Variants in ZNF362 observed in about 807,000 individuals in gnomAD.
ZNF362 encodes zinc finger protein 362, also known as rotund homolog.
A neutral mutation model predicts 42.9 loss-of-function variants in ZNF362; 11 were observed. That is an observed-to-expected ratio of 0.26 (90% confidence interval 0.16 to 0.42). ZNF362 has a LOEUF of 0.42. Among genes scored for constraint, ZNF362 ranks in the 20% least tolerant of loss-of-function variants. The probability of loss-of-function intolerance (pLI) is 1.00; values close to 1 mark genes in which losing one functional copy is unlikely to be tolerated. For missense variants in ZNF362, 362 were observed against 576.2 expected, an observed-to-expected ratio of 0.63 and a Z score of 3.81; for synonymous variants, 255 against 257.3, an observed-to-expected ratio of 0.99 and a Z score of 0.09.
the ZNF362 span, among the ~76,000 whole-genome samples, chr1:33,161,305 A>G: frequency 6.6e-6 from 1 of 152,186 alleles, no homozygotes; most frequent in Non-Finnish European, 1.5e-5. This position sits in a 1 kb window ranked among gnomAD's most constrained non-coding sequence, Gnocchi z 4.3. Flanking sequence ...AGGGAGCCGC[A>G]TGAGGAAGGG....
At chr1:33,134,549 C>G in the ZNF362 span, among the ~76,000 whole-genome samples, 9 of 152,146 alleles carry the variant, frequency 5.9e-5, no homozygotes. Flanking sequence ...GAGCTAGGAC[C>G]ACCAGAGACA....
chr1:33,144,662 T>C, the ZNF362 span, among the ~76,000 whole-genome samples: 2 of 152,356 alleles, frequency 1.3e-5, no homozygotes, highest in African/African-American at 4.8e-5. Flanking sequence ...TAGTCGACAG[T>C]CTTTTCCACT....
intron 1 of ZNF362, among the ~76,000 whole-genome samples, chr1:33,257,338 C>CT (rs537985973): frequency 1.8e-4 from 27 of 151,130 alleles, no homozygotes; most frequent in Non-Finnish European, 3.1e-4. Flanking sequence ...AAAAGGGAAG[C>CT]TGCCGGGCGA....
the ZNF362 span, among the ~76,000 whole-genome samples, chr1:33,208,165 T>C: frequency 6.6e-6 from 1 of 152,350 alleles, no homozygotes; most frequent in Non-Finnish European, 1.5e-5. Context: ...TAGCCAGTTT[T>C]CCCAGCACCA....
the ZNF362 span, among the ~76,000 whole-genome samples, chr1:33,189,366 A>T: frequency 6.6e-6 from 1 of 151,976 alleles, no homozygotes; most frequent in East Asian, 1.9e-4. Context: ...GGTCCTGCTC[A>T]GGCCTAGTTC....
the ZNF362 span, among the ~76,000 whole-genome samples, chr1:33,232,270 A>AT: frequency 3.7e-4 from 56 of 150,200 alleles, no homozygotes; most frequent in African/African-American, 1.0e-3. Flanking sequence ...GTGGAAATGT[A>AT]TTTTTTTTTT....
At chr1:33,217,013 G>T in the ZNF362 span, among the ~76,000 whole-genome samples, 36 of 152,032 alleles carry the variant, frequency 2.4e-4, no homozygotes, top group African/African-American at 7.0e-4. Flanking sequence ...GGTTCTGGAG[G>T]CAGGAAGACT....
At chr1:33,204,238 C>T in the ZNF362 span, among the ~76,000 whole-genome samples, 40 of 152,170 alleles carry the variant, frequency 2.6e-4, 1 homozygote, top group South Asian at 5.8e-3. Context: ...TGTCTTTTCC[C>T]CATTATGTCT....
At chr1:33,252,957 C>T (rs1012144417), upstream of ZNF362, among the ~76,000 whole-genome samples, 27 of 151,748 alleles carry the variant, frequency 1.8e-4, no homozygotes, top group African/African-American at 6.1e-4. Context: ...ACATTTATTC[C>T]GATGCATCGT....
chr1:33,174,537 C>T, the ZNF362 span, among the ~76,000 whole-genome samples: 1 of 152,074 alleles, frequency 6.6e-6, no homozygotes, highest in Non-Finnish European at 1.5e-5. Context: ...GCAATGAGAT[C>T]CATCTCATAG....
At chr1:33,182,702 G>A in the ZNF362 span, among the ~76,000 whole-genome samples, 1 of 152,098 alleles carries the variant, frequency 6.6e-6, no homozygotes. Flanking sequence ...TTGTGTGCCA[G>A]ATGGAGAGGG....
chr1:33,236,347 C>T, the ZNF362 span, among the ~76,000 whole-genome samples: 2 of 149,908 alleles, frequency 1.3e-5, no homozygotes, highest in African/African-American at 4.9e-5. Flanking sequence ...TGAGACCAGC[C>T]AGGACAACAT....
chr1:33,218,277 C>T, the ZNF362 span, among the ~76,000 whole-genome samples: 15 of 152,014 alleles, frequency 9.9e-5, no homozygotes, highest in African/African-American at 1.7e-4. Flanking sequence ...ACTGCCTCTA[C>T]AAAAAATTTA....
the ZNF362 span, among the ~76,000 whole-genome samples, chr1:33,226,258 G>A: frequency 6.6e-6 from 1 of 152,138 alleles, no homozygotes; most frequent in African/African-American, 2.4e-5. Flanking sequence ...TTGCAGATGA[G>A]CTCAGAAATA....
At chr1:33,276,286 G>A (rs942301659) in intron 3 of ZNF362, 62 bp from the exon 4 acceptor site, 20 of 1,548,210 alleles carry the variant, frequency 1.3e-5, no homozygotes, top group East Asian at 2.4e-5. Context: ...GTGGACCAGC[G>A]GGCCTGGGCA....
chr1:33,213,598 G>A, the ZNF362 span, among the ~76,000 whole-genome samples: 1 of 152,102 alleles, frequency 6.6e-6, no homozygotes, highest in Non-Finnish European at 1.5e-5. Context: ...TGTAATCCAA[G>A]CACTTTGGGA....
chr1:33,276,476 G>A lies in ZNF362; in HGVS notation c.231G>A (p.Glu77=). 6.3e-7 allele frequency: 1 copy of A among 1,590,508 alleles called. No individual in the cohort carries two copies. Among genetic ancestry groups the A allele is most frequent in the Non-Finnish European group, 8.5e-7 (1 of 1,171,690 alleles). Residue 77 remains glutamate, a synonymous_variant, in exon 4 of 9, where the codon GAG becomes GAA. Transcript: ENST00000539719. Reference sequence around the variant, plus strand: ...TGCTAGTGCCGCCGGCACCCGCCGAGAGCAGCCAGGCCGTCATGTCGCTGC... The same window carrying A: ...TGCTAGTGCCGCCGGCACCCGCCGAAAGCAGCCAGGCCGTCATGTCGCTGC... ...QPLLVPPAPA[E]SSQAVMSLPK... is the part of the protein sequence containing the mutation.
At chr1:33,170,961 C>T in the ZNF362 span, among the ~76,000 whole-genome samples, 3 of 152,332 alleles carry the variant, frequency 2.0e-5, no homozygotes, top group East Asian at 3.9e-4. Context: ...CACTGTGTCC[C>T]GTATGCGGCT....
the ZNF362 span, among the ~76,000 whole-genome samples, chr1:33,237,853 A>G: frequency 6.6e-6 from 1 of 152,298 alleles, no homozygotes; most frequent in Non-Finnish European, 1.5e-5. Context: ...GGCTGTGTTA[A>G]AGACGCTGGA....
Sources: gnomAD v4.1 joint callset for allele counts (sites outside exome capture counted in the v4.1 genomes callset) on GRCh38, gnomAD v4.1.1 for gene constraint, Gnocchi (gnomAD v3.1) non-coding constraint, MANE v1.5 for transcripts, NCBI Gene and HGNC (gene_info 2026-07-23, HGNC 2026-07-21) for gene names.